SCAF8: variants seen among roughly 807,000 people sequenced by gnomAD.
SCAF8 encodes the protein SR-related CTD associated factor 8, also known as SR-related and CTD-associated factor 8.
SCAF8 carries 23 observed loss-of-function variants against 140.5 expected under a neutral mutation model. The observed-to-expected ratio is 0.16, with a 90% confidence interval of 0.12 to 0.23. The LOEUF (loss-of-function observed/expected upper bound fraction) is 0.23. Among genes scored for constraint, SCAF8 ranks in the 10% least tolerant of loss-of-function variants. The pLI is 1.00. For missense variants in SCAF8, 1,397 were observed against 1,555.7 expected (o/e 0.90, Z 1.72); for synonymous variants, 575 against 528.9 (o/e 1.09, Z -1.20).
intron 1 of SCAF8, among the ~76,000 whole-genome samples, chr6:154,752,202 T>C (rs1562426745): frequency 6.6e-6 from 1 of 152,318 alleles, no homozygotes; most frequent in East Asian, 1.9e-4. Context: ...ATATGGTTGC[T>C]GTAAAGTAAC....
At chr6:154,821,689 A>G (rs900214781) in intron 15 of SCAF8, among the ~76,000 whole-genome samples, 3 of 152,202 alleles carry the variant, frequency 2.0e-5, no homozygotes, top group Non-Finnish European at 4.4e-5. Flanking sequence ...CCATGTTTGT[A>G]TTCAAAAATA....
At chr6:154,743,298 C>G (rs1778618573) in intron 1 of SCAF8, among the ~76,000 whole-genome samples, 1 of 152,134 alleles carries the variant, frequency 6.6e-6, no homozygotes, top group Non-Finnish European at 1.5e-5. Context: ...ACAAAATTGT[C>G]TGTTATATAT....
rs1778290001 is a variant in SCAF8, at chr6:154,817,551, A to G, written c.1522-928A>G. Among the ~76,000 whole-genome samples, 4 of 152,180 alleles carry G rather than the reference A, an allele frequency of 2.6e-5. No homozygotes were observed. In the South Asian group the frequency reaches 6.2e-4, roughly 24 times the overall value. On this transcript the variant is annotated intron_variant, in intron 13 of 19. Coordinates refer to ENST00000367178, the MANE Select transcript of SCAF8 (RefSeq NM_014892.5). Reference sequence around the variant, plus strand: ...TTGGTGAGCTTGAAGAGAGTAAAGTATTTTCCAGTGGGTTGGTGAGGAATT... The same window carrying G: ...TTGGTGAGCTTGAAGAGAGTAAAGTGTTTTCCAGTGGGTTGGTGAGGAATT...
At chr6:154,770,506 G>A (rs1023639048) in intron 1 of SCAF8, among the ~76,000 whole-genome samples, 4 of 151,886 alleles carry the variant, frequency 2.6e-5, no homozygotes, top group Admixed American at 6.6e-5. Flanking sequence ...GGGAGGTCAA[G>A]GCTGCAGTGA....
chr6:154,784,153 A>ATATATATATT (rs1562444235), intron 3 of SCAF8, among the ~76,000 whole-genome samples: 3 of 109,352 alleles, frequency 2.7e-5, no homozygotes, highest in African/African-American at 1.2e-4. Flanking sequence ...ATATATATAT[A>ATATATATATT]TATATTTATT....
rs1778820101 is a variant in SCAF8, at chr6:154,833,709, A to G, written c.*314A>G. ...CTATGGAAGAAAGAATTTTTTAGATACTATCATTAGGTTGGATATGGTAAT... is the reference window on the plus strand; with the variant it reads ...CTATGGAAGAAAGAATTTTTTAGATGCTATCATTAGGTTGGATATGGTAAT... On this transcript the variant is annotated 3_prime_UTR_variant, in exon 20 of 20. Coordinates refer to ENST00000367178, the MANE Select transcript of SCAF8 (RefSeq NM_014892.5). 1.3e-5 allele frequency: 3 copies of G among 235,222 alleles called. No individual in the cohort carries two copies. Among genetic ancestry groups the G allele is most frequent in the South Asian group, 1.7e-4 (2 of 11,950 alleles). The allele number at this position is 235,222 out of a possible 1,614,324, so 14.6% of individuals were successfully genotyped here.
intron 18 of SCAF8, among the ~76,000 whole-genome samples, chr6:154,830,031 G>A (rs1224104388): frequency 2.0e-5 from 3 of 152,158 alleles, no homozygotes; most frequent in Non-Finnish European, 4.4e-5. Context: ...ATTCACAGAG[G>A]CTTACCCTAG....
At chr6:154,735,964 A>G (rs1778406515) in intron 1 of SCAF8, among the ~76,000 whole-genome samples, 5 of 150,520 alleles carry the variant, frequency 3.3e-5, no homozygotes, top group Admixed American at 3.3e-4. Flanking sequence ...CAAGTAGGTG[A>G]GATTACAGGC....
intron 1 of SCAF8, among the ~76,000 whole-genome samples, chr6:154,736,038 C>T (rs1438588766): frequency 1.3e-5 from 2 of 151,972 alleles, no homozygotes; most frequent in African/African-American, 4.8e-5. Context: ...GTTGCCCAGG[C>T]TGTTCTTGAA....
At chr6:154,784,120 GATATATATATATATATAT>G (rs72135986) in intron 3 of SCAF8, among the ~76,000 whole-genome samples, 19 of 106,886 alleles carry the variant, frequency 1.8e-4, no homozygotes, top group African/African-American at 3.2e-4. Flanking sequence ...GGTGTCTTGA[GATATATATATATATATAT>G]ATATATATAT....
At chr6:154,774,115 T>C in intron 2 of SCAF8, 43 bp downstream of exon 2, 1 of 1,267,514 alleles carries the variant, frequency 7.9e-7, no homozygotes, top group Admixed American at 1.7e-5. Flanking sequence ...AAGAAAAAAC[T>C]ATATTAATAG....
At chr6:154,762,269 T>C (rs1435485751) in intron 1 of SCAF8, among the ~76,000 whole-genome samples, 2 of 152,148 alleles carry the variant, frequency 1.3e-5, no homozygotes, top group African/African-American at 4.8e-5. Flanking sequence ...TTCACTTGGG[T>C]GATGGAGGTG....
chr6:154,806,896 GA>G (rs1777932817), intron 9 of SCAF8, among the ~76,000 whole-genome samples: 1 of 152,018 alleles, frequency 6.6e-6, no homozygotes, highest in African/African-American at 2.4e-5. Flanking sequence ...GTTGTTTAAA[GA>G]AAAAACAAAG....
chr6:154,803,855 A>G (rs977006447), intron 8 of SCAF8, among the ~76,000 whole-genome samples: 6 of 152,324 alleles, frequency 3.9e-5, no homozygotes, highest in Non-Finnish European at 8.8e-5. Context: ...ATTGATACAT[A>G]TTGGTAAATC....
chr6:154,748,280 A>G (rs1778754859), intron 1 of SCAF8, among the ~76,000 whole-genome samples: 1 of 152,228 alleles, frequency 6.6e-6, no homozygotes, highest in Non-Finnish European at 1.5e-5. Context: ...AATATTATTC[A>G]CATACATAAA....
At chr6:154,791,355 A>G (rs748623186) in intron 4 of SCAF8, among the ~76,000 whole-genome samples, 5 of 152,234 alleles carry the variant, frequency 3.3e-5, no homozygotes, top group Non-Finnish European at 7.3e-5. Flanking sequence ...AACAAGAGAC[A>G]GGCAATAGTT....
chr6:154,768,749 T>C (rs1407197491), intron 1 of SCAF8, among the ~76,000 whole-genome samples: 1 of 152,212 alleles, frequency 6.6e-6, no homozygotes, highest in Non-Finnish European at 1.5e-5. Context: ...AAAAATTTTC[T>C]AATATTTATT....
intron 3 of SCAF8, 55 bp downstream of exon 3, chr6:154,778,100 C>A: frequency 2.0e-6 from 2 of 988,786 alleles, no homozygotes; most frequent in South Asian, 2.9e-5. Context: ...TGCCTGTACT[C>A]TTCTCCTTTA....
At chr6:154,780,140 A>G (rs1053576682) in intron 3 of SCAF8, among the ~76,000 whole-genome samples, 1 of 152,060 alleles carries the variant, frequency 6.6e-6, no homozygotes, top group Non-Finnish European at 1.5e-5. Flanking sequence ...TCCCTTTTAT[A>G]TACTCTATAG....
Sources: gnomAD v4.1 joint callset for allele counts (sites outside exome capture counted in the v4.1 genomes callset) on GRCh38, gnomAD v4.1.1 for gene constraint, MANE v1.5 for transcripts, NCBI Gene and HGNC (gene_info 2026-07-23, HGNC 2026-07-21) for gene names.